The following FGF9 variants were observed in gnomAD, a reference collection of about 807,000 sequenced individuals.
FGF9 encodes the protein fibroblast growth factor 9 (glia-activating factor).
In FGF9, 3 loss-of-function variants were observed where a neutral mutation model predicts 19.9. That is an observed-to-expected ratio of 0.15 (90% CI 0.07 to 0.39). The LOEUF (loss-of-function observed/expected upper bound fraction) is 0.39, where lower values mean the gene tolerates loss of function less well. FGF9 is among the 10% of genes least tolerant of loss of function. The pLI is 1.00. For synonymous variants in FGF9, 107 were observed against 106.9 expected, an observed-to-expected ratio of 1.00 and a Z score of -0.01; for missense variants, 175 against 256.8, an observed-to-expected ratio of 0.68 and a Z score of 2.18.
rs927738757 is a variant in FGF9 at position 21,702,663 on chromosome 13, T to G, written c.*1228T>G. On this transcript the variant is annotated 3_prime_UTR_variant, in exon 3 of 3. Coordinates refer to ENST00000382353, the MANE Select transcript of FGF9 (RefSeq NM_002010.3). ...CGTAAGAATCAGATTAACAGGATCATACTTGTAAACTTTTTTTGGTTCACT... is the reference window on the plus strand; with the variant it reads ...CGTAAGAATCAGATTAACAGGATCAGACTTGTAAACTTTTTTTGGTTCACT... The G allele has an allele frequency of 2.6e-5, 4 of 152,234 alleles. No homozygotes were observed. The highest frequency in any genetic ancestry group is 1.3e-4 in the Admixed American group (2 of 15,282). 9.4% of individuals were successfully genotyped at this position (152,234 alleles called of 1,614,324 possible).
intron 2 of FGF9, among the ~76,000 whole-genome samples, chr13:21,684,609 C>G (rs1015305749): frequency 3.3e-5 from 5 of 152,122 alleles, no homozygotes; most frequent in Non-Finnish European, 7.3e-5. Flanking sequence ...GAGGCTGAAG[C>G]TGGAGGAAAG....
In FGF9 at chr13:21,701,814, G is replaced by A. The variant is rs754578237; in HGVS notation, c.*379G>A. 5.8e-5 allele frequency: 16 copies of A among 274,178 alleles called. No homozygotes were observed. In the Admixed American group the frequency reaches 7.1e-4, roughly 12 times the overall value. 17.0% of individuals were successfully genotyped at this position (274,178 alleles called of 1,614,324 possible). A position where few individuals can be genotyped will look rare whatever the true frequency, so the allele number is the denominator to read the frequency against. On this transcript the variant is annotated 3_prime_UTR_variant, in exon 3 of 3. Coordinates refer to ENST00000382353, the MANE Select transcript of FGF9 (RefSeq NM_002010.3). ...CCTGATGCATGCTGGAAAAAGACAC[G>A]CTTTTCATTTCTGATCAGTTGTACT...
At chr13:21,695,775 C>T (rs1268328198) in intron 2 of FGF9, among the ~76,000 whole-genome samples, 1 of 152,148 alleles carries the variant, frequency 6.6e-6, no homozygotes, top group East Asian at 1.9e-4. Context: ...TGAATGATTA[C>T]ATTGAAGTCA....
At chr13:21,686,719 A>G (rs376152343) in intron 2 of FGF9, among the ~76,000 whole-genome samples, 1 of 152,236 alleles carries the variant, frequency 6.6e-6, no homozygotes, top group East Asian at 1.9e-4. Flanking sequence ...ATTTATGTGC[A>G]GTTGGCACAT....
chr13:21,675,092 C>A (rs1363241036), intron 1 of FGF9, among the ~76,000 whole-genome samples: 8 of 151,258 alleles, frequency 5.3e-5, no homozygotes, highest in African/African-American at 1.9e-4. Context: ...AAGCCCCGGC[C>A]CAGGTTGGGG....
intron 2 of FGF9, among the ~76,000 whole-genome samples, chr13:21,695,309 T>A (rs1394473738): frequency 6.6e-6 from 1 of 152,144 alleles, no homozygotes; most frequent in African/African-American, 2.4e-5. Flanking sequence ...CCTACCTACT[T>A]GGTTTATTTT....
At chr13:21,700,857 A>G (rs138653863) in intron 2 of FGF9, among the ~76,000 whole-genome samples, 38 of 152,352 alleles carry the variant, frequency 2.5e-4, no homozygotes, top group African/African-American at 8.7e-4. Flanking sequence ...ATGTAGTTAA[A>G]TTTGTAGGGT....
At chr13:21,681,248 T>C in intron 2 of FGF9, 103 bp downstream of exon 2, 1 of 880,224 alleles carries the variant, frequency 1.1e-6, no homozygotes, top group South Asian at 1.4e-5. Flanking sequence ...TGAGTCTGTT[T>C]GGAAGGCGAG....
intron 2 of FGF9, among the ~76,000 whole-genome samples, chr13:21,689,905 T>C (rs1299051189): frequency 6.6e-6 from 1 of 152,216 alleles, no homozygotes; most frequent in Non-Finnish European, 1.5e-5. Flanking sequence ...CTCTTCCTGC[T>C]TCTTCCACCT....
At chr13:21,673,021 CAGACT>C (rs1871805991) in intron 1 of FGF9, among the ~76,000 whole-genome samples, 1 of 152,212 alleles carries the variant, frequency 6.6e-6, no homozygotes, top group South Asian at 2.1e-4. Flanking sequence ...CTGAGGGCTG[CAGACT>C]CGAGGGCTGG....
rs148571869 is a variant in FGF9, at chr13:21,698,744, A to T, written c.382-2446A>T. On this transcript the variant is annotated intron_variant, in intron 2 of 2. Coordinates refer to ENST00000382353, the MANE Select transcript of FGF9 (RefSeq NM_002010.3). ...CTCAAAAAGGAGGAGGAAGTGTTCT[A>T]CATTTAAAATACAGTTTAATTCCGT... 1.1e-4 allele frequency among the ~76,000 whole-genome samples: 16 copies of T among 152,338 alleles called. No individual in the cohort carries two copies. In the East Asian group the frequency reaches 3.1e-3, roughly 29 times the overall value.
chr13:21,693,615 A>G (rs1331153173), intron 2 of FGF9, among the ~76,000 whole-genome samples: 1 of 152,048 alleles, frequency 6.6e-6, no homozygotes, highest in African/African-American at 2.4e-5. Flanking sequence ...CTCTTTGGGC[A>G]GTTCATGATG....
chr13:21,687,074 G>C (rs1872179398), intron 2 of FGF9, among the ~76,000 whole-genome samples: 1 of 152,196 alleles, frequency 6.6e-6, no homozygotes, highest in East Asian at 1.9e-4. Context: ...ACAGGGCCCT[G>C]GTTTATATGG....
At chr13:21,682,861 A>G (rs190263259) in intron 2 of FGF9, among the ~76,000 whole-genome samples, 6 of 152,178 alleles carry the variant, frequency 3.9e-5, no homozygotes, top group Admixed American at 3.9e-4. Context: ...ACGTATCCCC[A>G]CCAAAAAAAT....
At chr13:21,678,991 C>G (rs17070153) in intron 1 of FGF9, among the ~76,000 whole-genome samples, 7,181 of 152,052 alleles carry the variant, frequency 0.047, 526 homozygotes, top group African/African-American at 0.16. Context: ...AAGAATAGTA[C>G]AATGAAATAA....
intron 2 of FGF9, among the ~76,000 whole-genome samples, chr13:21,697,704 G>A (rs527825939): frequency 9.9e-5 from 15 of 152,130 alleles, no homozygotes; most frequent in Admixed American, 7.2e-4. Flanking sequence ...CTACCACTGC[G>A]GAATTTTGTT....
intron 2 of FGF9, 34 bp downstream of exon 2, chr13:21,681,179 T>C: frequency 6.9e-7 from 1 of 1,441,852 alleles, no homozygotes; most frequent in African/African-American, 1.4e-5. Context: ...CAGCTTTATC[T>C]CCATGTTTGA....
Position 21,701,615 on chromosome 13 carries a change from G to A in FGF9, c.*180G>A, listed in dbSNP as rs1453447141. 2 of 824,606 alleles carry A rather than the reference G, an allele frequency of 2.4e-6. No individual in the cohort carries two copies. Among genetic ancestry groups the A allele is most frequent in the Non-Finnish European group, 3.8e-6 (2 of 525,358 alleles). 51.1% of individuals were successfully genotyped at this position (824,606 alleles called of 1,614,324 possible). ...ATGCTGATTTTGTTCTGCACTTAAA[G>A]GCTTCTCCTCCTGGAGGGCTGCCTA... On this transcript the variant is annotated 3_prime_UTR_variant, in exon 3 of 3. Coordinates refer to ENST00000382353, the MANE Select transcript of FGF9 (RefSeq NM_002010.3).
intron 2 of FGF9, among the ~76,000 whole-genome samples, chr13:21,698,084 A>T (rs931980627): frequency 6.6e-6 from 1 of 152,208 alleles, no homozygotes. Context: ...CTGGGATTAC[A>T]GGCGTGAGCC....
Sources: gnomAD v4.1 joint callset for allele counts (sites outside exome capture counted in the v4.1 genomes callset) on GRCh38, gnomAD v4.1.1 for gene constraint, MANE v1.5 for transcripts, NCBI Gene and HGNC (gene_info 2026-07-23, HGNC 2026-07-21) for gene names.